The following HBS1L variants were observed in gnomAD, a reference collection of about 807,000 sequenced individuals.
HBS1L encodes the protein HBS1-like protein.
A neutral mutation model predicts 88.9 loss-of-function variants in HBS1L; 55 were observed. That is an observed-to-expected ratio of 0.62 (90% CI 0.50 to 0.77). HBS1L has a LOEUF of 0.77. HBS1L is among the 30% of genes least tolerant of loss of function. HBS1L has a pLI of 0.00. For missense variants in HBS1L, 741 were observed against 829.3 expected (o/e 0.89, Z 1.31); for synonymous variants, 267 against 288.5 (o/e 0.93, Z 0.76).
intron 4 of HBS1L, among the ~76,000 whole-genome samples, chr6:135,016,426 G>A (rs1775923900): frequency 6.6e-6 from 1 of 152,154 alleles, no homozygotes; most frequent in African/African-American, 2.4e-5. Context: ...TACTTCCAAT[G>A]GGGAACCTGA....
intron 4 of HBS1L, among the ~76,000 whole-genome samples, chr6:135,007,432 T>G (rs78298516): frequency 0.014 from 2,112 of 152,244 alleles, 68 homozygotes; most frequent in African/African-American, 0.048. Flanking sequence ...CATCAATAAG[T>G]CCAACTCTAG....
chr6:134,987,850 C>G, intron 8 of HBS1L, 59 bp from the exon 9 acceptor site: 1 of 1,384,564 alleles, frequency 7.2e-7, no homozygotes, highest in Non-Finnish European at 9.6e-7. Flanking sequence ...ATTCAAAGGA[C>G]AGATTATTCA....
At chr6:135,047,438 A>G (rs1032317185) in intron 2 of HBS1L, among the ~76,000 whole-genome samples, 3 of 152,176 alleles carry the variant, frequency 2.0e-5, no homozygotes, top group Admixed American at 1.3e-4. Flanking sequence ...TCCAAATCCA[A>G]TGCTACCAAC....
intron 4 of HBS1L, among the ~76,000 whole-genome samples, chr6:135,018,291 T>C (rs755834795): frequency 6.6e-6 from 1 of 152,044 alleles, no homozygotes; most frequent in Non-Finnish European, 1.5e-5. Context: ...CACTGTTGCA[T>C]TGGCTGTGAT....
At chr6:135,012,611 A>G (rs1775807515) in intron 4 of HBS1L, among the ~76,000 whole-genome samples, 1 of 152,158 alleles carries the variant, frequency 6.6e-6, no homozygotes, top group South Asian at 2.1e-4. Context: ...ATCTACTTGT[A>G]AATTTAGTCT....
At chr6:135,041,508 CTT>C (rs1312497730) in intron 3 of HBS1L, among the ~76,000 whole-genome samples, 1 of 152,050 alleles carries the variant, frequency 6.6e-6, no homozygotes, top group East Asian at 1.9e-4. Flanking sequence ...TATCTTGAAA[CTT>C]AATTCACACA....
chr6:135,024,231 G>A (rs1234183671), intron 4 of HBS1L, among the ~76,000 whole-genome samples: 1 of 151,982 alleles, frequency 6.6e-6, no homozygotes, highest in Non-Finnish European at 1.5e-5. Context: ...ACGAGGTCAG[G>A]AGATCCAGAC....
intron 4 of HBS1L, among the ~76,000 whole-genome samples, chr6:135,004,375 T>A (rs1472035117): frequency 6.6e-6 from 1 of 151,570 alleles, no homozygotes; most frequent in Non-Finnish European, 1.5e-5. Context: ...TCTAGGAAAG[T>A]GAGAATTGGA....
intron 11 of HBS1L, 63 bp downstream of exon 11, chr6:134,986,003 A>G (rs775167118): frequency 7.9e-6 from 6 of 757,928 alleles, no homozygotes; most frequent in Non-Finnish European, 1.4e-5. Context: ...CCCATAAAGA[A>G]CTCTAAATAA....
At chr6:134,973,456 G>C (rs1017258581) in intron 15 of HBS1L, among the ~76,000 whole-genome samples, 2 of 152,216 alleles carry the variant, frequency 1.3e-5, no homozygotes, top group Non-Finnish European at 2.9e-5. Flanking sequence ...GGAATAATGG[G>C]AAGATACTGT....
In HBS1L at chr6:135,001,326, T is replaced by C. The variant is rs150020380; in HGVS notation, c.539+1408A>G. ...TATTTATTGATACATTTATTACCCA[T>C]TATCTTTATAATTATTCATTTAGAT... On this transcript the variant is annotated intron_variant, in intron 5 of 17. Transcript: ENST00000367837. Among the ~76,000 whole-genome samples, 192 of 152,320 alleles carry C rather than the reference T, an allele frequency of 1.3e-3. 1 individual carries two copies. The highest frequency in any genetic ancestry group is 6.8e-3 in the Middle Eastern group (2 of 294).
At chr6:134,967,194 G>A (rs1273434189) in intron 16 of HBS1L, among the ~76,000 whole-genome samples, 1 of 152,164 alleles carries the variant, frequency 6.6e-6, no homozygotes, top group East Asian at 1.9e-4. Flanking sequence ...AGTGAGAGAG[G>A]CAGAACCTAA....
rs559534525 is a variant in HBS1L, at chr6:134,976,982, C to T, written c.1797+1697G>A. Among the ~76,000 whole-genome samples the T allele has an allele frequency of 1.3e-4, 20 of 152,002 alleles. No homozygotes were observed. In the East Asian group the frequency reaches 2.5e-3, roughly 19 times the overall value. Reference sequence around the variant, plus strand: ...AGCTACTGAAATAGAGTTTCCCATACAAAATAGGGAAAATTTAAATATATT... The same window carrying T: ...AGCTACTGAAATAGAGTTTCCCATATAAAATAGGGAAAATTTAAATATATT... On this transcript the variant is annotated intron_variant, in intron 15 of 17. Coordinates refer to ENST00000367837, the MANE Select transcript of HBS1L (RefSeq NM_006620.4).
chr6:134,969,197 C>G (rs746566746), intron 16 of HBS1L, 41 bp downstream of exon 16: 1 of 1,338,088 alleles, frequency 7.5e-7, no homozygotes, highest in East Asian at 2.3e-5. Flanking sequence ...AAAAAATTGG[C>G]TTAAATTGCT....
Position 134,978,935 on chromosome 6 carries a change from C to T in HBS1L, c.1689-148G>A. 4 of 627,564 alleles carry T rather than the reference C, an allele frequency of 6.4e-6. No homozygotes were observed. In the South Asian group the frequency reaches 8.3e-5, roughly 13 times the overall value. The allele number at this position is 627,564 out of a possible 1,614,324, so 38.9% of individuals were successfully genotyped here. A position where few individuals can be genotyped will look rare whatever the true frequency, so the allele number is the denominator to read the frequency against. On this transcript the variant is annotated intron_variant, in intron 14 of 17. Transcript: ENST00000367837. ...TATTCTCTTCTGAGCTAAAGCATGA[C>T]TTTAAACCATTATTAACCTTATGTC... is the stretch of plus-strand genomic sequence containing the variant.
At chr6:134,987,252 A>C (rs1176338828) in intron 9 of HBS1L, among the ~76,000 whole-genome samples, 1 of 152,092 alleles carries the variant, frequency 6.6e-6, no homozygotes, top group Non-Finnish European at 1.5e-5. Context: ...AAAACAGATA[A>C]CCCAATTTTG....
chr6:134,990,081 T>C (rs1353695792), intron 8 of HBS1L, among the ~76,000 whole-genome samples: 3 of 152,188 alleles, frequency 2.0e-5, no homozygotes, highest in Non-Finnish European at 4.4e-5. Context: ...AACTGTAAAA[T>C]TATATTTACC....
chr6:135,024,439 CAAAAA>C (rs60663059), intron 4 of HBS1L, among the ~76,000 whole-genome samples: 2 of 66,498 alleles, frequency 3.0e-5, no homozygotes, highest in Non-Finnish European at 6.4e-5. Flanking sequence ...GACTTCGTCT[CAAAAA>C]AAAAAAAAAA....
intron 5 of HBS1L, among the ~76,000 whole-genome samples, chr6:134,999,448 C>CTTTTTTTTTTT (rs35807723): frequency 1.6e-5 from 2 of 124,776 alleles, no homozygotes; most frequent in South Asian, 2.6e-4. Context: ...TTTTTCTTTT[C>CTTTTTTTTTTT]TTTTTTTTTT....
Sources: allele counts gnomAD v4.1 joint callset (sites outside exome capture counted in the v4.1 genomes callset), GRCh38; gene constraint gnomAD v4.1.1; transcripts MANE v1.5; gene names NCBI Gene and HGNC (gene_info 2026-07-23, HGNC 2026-07-21).